Variants in SIK3 observed in about 807,000 individuals in gnomAD.
The protein encoded by SIK3 is SIK family kinase 3, also known as serine/threonine-protein kinase SIK3.
SIK3 carries 28 observed loss-of-function variants against 144.2 expected under a neutral mutation model. The ratio of observed to expected loss-of-function variants is 0.19; its 90% CI spans 0.14 to 0.27. The LOEUF (loss-of-function observed/expected upper bound fraction) is 0.27. Ranked by LOEUF, SIK3 falls within the 10% of genes least tolerant of loss-of-function variation. The pLI, the probability that SIK3 is intolerant of heterozygous loss-of-function variation, is 1.00. For synonymous variants in SIK3, 686 were observed against 676.3 expected (o/e 1.01, Z -0.22); for missense variants, 1,319 against 1,776.0 (o/e 0.74, Z 4.62).
chr11:116,965,642 C>G (rs915308044), intron 1 of SIK3, among the ~76,000 whole-genome samples: 1 of 125,050 alleles, frequency 8.0e-6, no homozygotes, highest in African/African-American at 3.1e-5. Flanking sequence ...ACCTGTAATC[C>G]TAGCACTTTG....
intron 4 of SIK3, among the ~76,000 whole-genome samples, chr11:116,916,512 A>ATTT (rs372061347): frequency 4.2e-5 from 6 of 141,322 alleles, no homozygotes; most frequent in Non-Finnish European, 4.6e-5. Context: ...ATCACATCAA[A>ATTT]TTTTTTTTTT....
In SIK3 at chr11:116,845,170, T is replaced by G. The variant is rs1406514078; in HGVS notation, c.*473A>C. 6.6e-6 allele frequency: 1 copy of G among 152,086 alleles called. No homozygotes were observed. The highest frequency in any genetic ancestry group is 1.5e-5 in the Non-Finnish European group (1 of 68,032). 9.4% of individuals were successfully genotyped at this position (152,086 alleles called of 1,614,324 possible). A position where few individuals can be genotyped will look rare whatever the true frequency, so the allele number is the denominator to read the frequency against. On this transcript the variant is annotated 3_prime_UTR_variant, in exon 25 of 25. Coordinates refer to ENST00000445177, the MANE Select transcript of SIK3 (RefSeq NM_001366686.3). Reference sequence around the variant, plus strand: ...TTCACAGAAGAGCAATGCAGGGGGATGGAGGGTGCTCTGCTGATGAAGGCT... The same window carrying G: ...TTCACAGAAGAGCAATGCAGGGGGAGGGAGGGTGCTCTGCTGATGAAGGCT...
rs902071932 is a variant in SIK3 at position 116,916,501 on chromosome 11, T to A, written c.616+10718A>T. 2.7e-5 allele frequency among the ~76,000 whole-genome samples: 4 copies of A among 150,444 alleles called. 1 individual carries two copies. Among genetic ancestry groups the A allele is most frequent in the Middle Eastern group, 6.9e-3 (2 of 290 alleles). On this transcript the variant is annotated intron_variant, in intron 4 of 24. Coordinates refer to ENST00000445177, the MANE Select transcript of SIK3 (RefSeq NM_001366686.3). The stretch of plus-strand genomic sequence containing the variant: ...TTGCTTTAATTTTAAATTTCTATAA[T>A]ATCACATCAAATTTTTTTTTTTTTT...
intron 6 of SIK3, among the ~76,000 whole-genome samples, chr11:116,880,743 T>A (rs556887418): frequency 6.6e-6 from 1 of 152,298 alleles, no homozygotes; most frequent in Admixed American, 6.5e-5. Context: ...GGACATTCAA[T>A]TTACAAGCAT....
In SIK3 at chr11:116,886,084, C is replaced by T. The variant is rs549343179; in HGVS notation, c.866-9042G>A. On this transcript the variant is annotated intron_variant, in intron 6 of 24. Transcript: ENST00000445177. ...CCAGGAGACAGCTGGTTTGAAAAGGCTAATAATAAATAGGGCAGTACCACT... is the reference window on the plus strand; with the variant it reads ...CCAGGAGACAGCTGGTTTGAAAAGGTTAATAATAAATAGGGCAGTACCACT... Among the ~76,000 whole-genome samples, 8 of 152,280 alleles carry T rather than the reference C, an allele frequency of 5.3e-5. No homozygotes were observed. In the East Asian group the frequency reaches 1.5e-3, roughly 29 times the overall value.
Position 116,849,054 on chromosome 11 carries a change from C to T in SIK3, c.3819+66G>A. On this transcript the variant is annotated intron_variant, in intron 22 of 24. Coordinates refer to ENST00000445177, the MANE Select transcript of SIK3 (RefSeq NM_001366686.3). This position sits in a 1 kb window ranked among gnomAD's most constrained non-coding sequence, Gnocchi z 4.2. ...GGCCAAGAGAGGCTACCCCACATCA[C>T]TATACTCTGTTTCAAGGCTGGGACT... The T allele has an allele frequency of 6.6e-7, 1 of 1,518,622 alleles. No homozygotes were observed. The highest frequency in any genetic ancestry group is 8.9e-7 in the Non-Finnish European group (1 of 1,127,392). 94.1% of individuals were successfully genotyped at this position (1,518,622 alleles called of 1,614,324 possible). A position where few individuals can be genotyped will look rare whatever the true frequency, so the allele number is the denominator to read the frequency against.
At chr11:116,968,200 T>A (rs946364779) in intron 1 of SIK3, among the ~76,000 whole-genome samples, 6 of 152,208 alleles carry the variant, frequency 3.9e-5, no homozygotes, top group African/African-American at 1.4e-4. Context: ...TGGAGTACAG[T>A]GGCGCCATCT....
intron 1 of SIK3, among the ~76,000 whole-genome samples, chr11:117,070,556 C>A (rs535496432): frequency 2.6e-5 from 4 of 151,916 alleles, no homozygotes; most frequent in Non-Finnish European, 5.9e-5. Context: ...AAGAGATTCT[C>A]CTGCCTCAGC....
At chr11:116,994,656 T>C (rs975392021) in intron 1 of SIK3, among the ~76,000 whole-genome samples, 1 of 152,154 alleles carries the variant, frequency 6.6e-6, no homozygotes, top group African/African-American at 2.4e-5. Flanking sequence ...CAATCATATG[T>C]ACTATAAGCC....
rs112278747 is a variant in SIK3 at position 117,004,327 on chromosome 11, C to T, written c.274-47263G>A. Among the ~76,000 whole-genome samples the T allele has an allele frequency of 1.7e-3, 264 of 152,216 alleles. 1 individual carries two copies. The highest frequency in any genetic ancestry group is 6.8e-3 in the Middle Eastern group (2 of 294). On this transcript the variant is annotated intron_variant, in intron 1 of 24. Coordinates refer to ENST00000445177, the MANE Select transcript of SIK3 (RefSeq NM_001366686.3). Reference sequence around the variant, plus strand: ...CCCAGGAGTTTGAGACCAGCCTGGGCAACATGGTGAAACCCCATCTCTACA... The same window carrying T: ...CCCAGGAGTTTGAGACCAGCCTGGGTAACATGGTGAAACCCCATCTCTACA...
At chr11:117,014,873 G>A (rs1173812604) in intron 1 of SIK3, among the ~76,000 whole-genome samples, 1 of 152,146 alleles carries the variant, frequency 6.6e-6, no homozygotes, top group Non-Finnish European at 1.5e-5. Context: ...AGACCAGCCT[G>A]GGCAACATGG....
chr11:116,978,645 G>A (rs541688671), intron 1 of SIK3, among the ~76,000 whole-genome samples: 41 of 151,552 alleles, frequency 2.7e-4, no homozygotes, highest in Admixed American at 1.6e-3. Context: ...CTAGAAATAC[G>A]GGTACACACC....
At chr11:117,082,841 C>T (rs1954845794) in intron 1 of SIK3, among the ~76,000 whole-genome samples, 1 of 151,994 alleles carries the variant, frequency 6.6e-6, no homozygotes, top group Non-Finnish European at 1.5e-5. Context: ...AAGTAATTTG[C>T]CCAAAGTCAA....
chr11:116,854,027 C>A (rs1942672464), intron 21 of SIK3, among the ~76,000 whole-genome samples: 2 of 152,160 alleles, frequency 1.3e-5, no homozygotes, highest in Non-Finnish European at 2.9e-5. Context: ...AAATAGGTAA[C>A]CATGGACACT....
chr11:116,936,838 T>C (rs1947945647), intron 3 of SIK3, among the ~76,000 whole-genome samples: 1 of 152,238 alleles, frequency 6.6e-6, no homozygotes, highest in Non-Finnish European at 1.5e-5. Flanking sequence ...CATGTGTACT[T>C]GCTGTTTCAC....
At chr11:117,023,869 G>A (rs1253177748) in intron 1 of SIK3, among the ~76,000 whole-genome samples, 1 of 151,806 alleles carries the variant, frequency 6.6e-6, no homozygotes, top group African/African-American at 2.4e-5. Context: ...AGTAGAGACG[G>A]GGTCTTGCTA....
intron 1 of SIK3, among the ~76,000 whole-genome samples, chr11:117,030,250 C>T (rs1009693466): frequency 9.9e-5 from 15 of 152,114 alleles, no homozygotes. Flanking sequence ...AGTAATTCTA[C>T]CTCTAAGAAT....
At chr11:117,083,182 G>C (rs544341147) in intron 1 of SIK3, among the ~76,000 whole-genome samples, 1 of 152,162 alleles carries the variant, frequency 6.6e-6, no homozygotes, top group Non-Finnish European at 1.5e-5. Flanking sequence ...CTCAATTAGA[G>C]CAGGGCACTG....
rs1225408812 is a variant in SIK3, at chr11:116,867,939, T to A, written c.1952+7A>T. The A allele has an allele frequency of 6.5e-7, 1 of 1,530,254 alleles. No homozygotes were observed. Among genetic ancestry groups the A allele is most frequent in the African/African-American group, 1.4e-5 (1 of 72,544 alleles). 94.8% of individuals were successfully genotyped at this position (1,530,254 alleles called of 1,614,324 possible). A position where few individuals can be genotyped will look rare whatever the true frequency, so the allele number is the denominator to read the frequency against. On this transcript the variant is annotated splice_region_variant and intron_variant, in intron 15 of 24. Coordinates refer to ENST00000445177, the MANE Select transcript of SIK3 (RefSeq NM_001366686.3). The surrounding 1 kb of genome is among the most constrained non-coding windows in gnomAD (Gnocchi z 4.1). ...AAGGAGCTCGCACAGCTCATGTGGCTACTCACCGATGCTGATCAGGTACCA... is the reference window on the plus strand; with the variant it reads ...AAGGAGCTCGCACAGCTCATGTGGCAACTCACCGATGCTGATCAGGTACCA...
Sources: gnomAD v4.1 joint callset for allele counts (sites outside exome capture counted in the v4.1 genomes callset) on GRCh38, gnomAD v4.1.1 for gene constraint, Gnocchi (gnomAD v3.1) non-coding constraint, MANE v1.5 for transcripts, NCBI Gene and HGNC (gene_info 2026-07-23, HGNC 2026-07-21) for gene names.